STK32B: variants seen among roughly 807,000 people sequenced by gnomAD.
STK32B encodes the protein serine/threonine-protein kinase 32B.
A neutral mutation model predicts 52.6 loss-of-function variants in STK32B; 43 were observed. That is an observed-to-expected ratio of 0.82 (90% CI 0.64 to 1.05). The LOEUF (loss-of-function observed/expected upper bound fraction) is 1.05. Ranked by LOEUF, STK32B falls within the 50% of genes least tolerant of loss-of-function variation. The pLI, the probability that STK32B is intolerant of heterozygous loss-of-function variation, is 0.00. For missense variants in STK32B, 621 were observed against 534.6 expected (o/e 1.16, Z -1.59); for synonymous variants, 238 against 204.3 (o/e 1.17, Z -1.41).
intron 1 of STK32B, among the ~76,000 whole-genome samples, chr4:5,131,520 C>G (rs960451324): frequency 7.9e-5 from 12 of 152,176 alleles, no homozygotes; most frequent in African/African-American, 2.4e-4. Flanking sequence ...AGCCCTTACC[C>G]CAGCCTGTGA....
In STK32B at chr4:5,122,093, TACTC is replaced by T. The variant is rs141164605; in HGVS notation, c.53-17806_53-17803del. On this transcript the variant is annotated intron_variant, in intron 1 of 11. Transcript: ENST00000282908. ...TCACATACTCATTCTCTCACTCATTTACTCACTCATTCACTTACTCACCCATTCA... is the reference window on the plus strand; with the variant it reads ...TCACATACTCATTCTCTCACTCATTTACTCATTCACTTACTCACCCATTCA... Among the ~76,000 whole-genome samples the T allele has an allele frequency of 3.7e-3, 560 of 152,134 alleles. 17 individuals are homozygous for T. In the East Asian group the frequency reaches 0.08, roughly 22 times the overall value.
intron 1 of STK32B, among the ~76,000 whole-genome samples, chr4:5,124,720 C>A (rs1205884495): frequency 6.6e-6 from 1 of 152,102 alleles, no homozygotes; most frequent in African/African-American, 2.4e-5. Context: ...GTGCATGCAC[C>A]TGTATGCATG....
At chr4:5,485,099 G>A (rs1270997953) in intron 11 of STK32B, among the ~76,000 whole-genome samples, 4 of 151,882 alleles carry the variant, frequency 2.6e-5, no homozygotes, top group Non-Finnish European at 5.9e-5. Context: ...GTATCTTGGT[G>A]GCGTTCTCTG....
At chr4:5,347,875 C>T (rs1733570694) in intron 4 of STK32B, among the ~76,000 whole-genome samples, 1 of 152,276 alleles carries the variant, frequency 6.6e-6, no homozygotes, top group Non-Finnish European at 1.5e-5. Context: ...AAGTCCTCCC[C>T]AGCCATGCAG....
intron 3 of STK32B, among the ~76,000 whole-genome samples, chr4:5,175,551 G>T (rs1321831242): frequency 6.6e-6 from 1 of 152,184 alleles, no homozygotes; most frequent in Non-Finnish European, 1.5e-5. Context: ...GTCTGTTGGA[G>T]TTTAATGGAG....
chr4:5,447,558 C>T (rs1276404782), intron 7 of STK32B, among the ~76,000 whole-genome samples: 1 of 152,140 alleles, frequency 6.6e-6, no homozygotes, highest in East Asian at 1.9e-4. Flanking sequence ...ATCACTTGAG[C>T]CTGGGAGGTC....
intron 3 of STK32B, among the ~76,000 whole-genome samples, chr4:5,286,058 C>T: frequency 6.6e-6 from 1 of 151,824 alleles, no homozygotes; most frequent in East Asian, 1.9e-4. Context: ...GTCTACAAGC[C>T]AAGGAGAGAG....
intron 4 of STK32B, among the ~76,000 whole-genome samples, chr4:5,372,925 C>T (rs768131081): frequency 2.0e-5 from 3 of 152,072 alleles, no homozygotes; most frequent in Non-Finnish European, 4.4e-5. Context: ...GACCCATGAC[C>T]CAAATGAGGA....
chr4:5,130,573 G>C (rs1715701562), intron 1 of STK32B, among the ~76,000 whole-genome samples: 1 of 152,138 alleles, frequency 6.6e-6, no homozygotes, highest in African/African-American at 2.4e-5. Context: ...ACACCTTCCT[G>C]AGAACTGCAG....
chr4:5,461,105 A>C (rs562328700), intron 9 of STK32B, among the ~76,000 whole-genome samples: 2 of 152,242 alleles, frequency 1.3e-5, no homozygotes, highest in South Asian at 4.1e-4. Flanking sequence ...TGCAGAGAGC[A>C]CCTGAGGAAT....
chr4:5,480,134 T>G (rs950180786), intron 11 of STK32B, among the ~76,000 whole-genome samples: 1 of 152,340 alleles, frequency 6.6e-6, no homozygotes, highest in East Asian at 1.9e-4. Context: ...ATTTACAAAA[T>G]TATCAGACCG....
intron 3 of STK32B, among the ~76,000 whole-genome samples, chr4:5,197,213 T>G (rs933419844): frequency 1.3e-4 from 20 of 152,156 alleles, no homozygotes; most frequent in African/African-American, 4.8e-4. Flanking sequence ...ACATCATCAC[T>G]CTGTGGGAAG....
chr4:5,118,566 G>A (rs890713764), intron 1 of STK32B, among the ~76,000 whole-genome samples: 2 of 152,190 alleles, frequency 1.3e-5, no homozygotes, highest in African/African-American at 4.8e-5. Flanking sequence ...CATGTGCTCA[G>A]AGAGTCCTGC....
chr4:5,376,791 G>A (rs1735617278), intron 4 of STK32B, among the ~76,000 whole-genome samples: 1 of 152,120 alleles, frequency 6.6e-6, no homozygotes, highest in Non-Finnish European at 1.5e-5. Context: ...AAATTCTACA[G>A]TGGCTTCTCT....
intron 7 of STK32B, among the ~76,000 whole-genome samples, chr4:5,455,858 C>T (rs1212059141): frequency 6.6e-6 from 1 of 152,188 alleles, no homozygotes; most frequent in Non-Finnish European, 1.5e-5. Flanking sequence ...ATATTAATGG[C>T]AGTCAACTTC....
intron 4 of STK32B, among the ~76,000 whole-genome samples, chr4:5,392,210 G>A (rs1259660831): frequency 6.6e-6 from 1 of 152,162 alleles, no homozygotes; most frequent in African/African-American, 2.4e-5. Flanking sequence ...CGAGGCGGGT[G>A]GATCACTTGA....
At chr4:5,493,933 G>T (rs1315433655) in intron 11 of STK32B, among the ~76,000 whole-genome samples, 1 of 152,262 alleles carries the variant, frequency 6.6e-6, no homozygotes, top group African/African-American at 2.4e-5. Flanking sequence ...ATAGCACTGT[G>T]GTCTGAGAGA....
At chr4:5,230,178 C>CTTTTTTTTTTTTTTTCTTTTTT (rs1724154639) in intron 3 of STK32B, among the ~76,000 whole-genome samples, 1 of 71,122 alleles carries the variant, frequency 1.4e-5, no homozygotes, top group Non-Finnish European at 2.4e-5. Context: ...CATGCATTCC[C>CTTTTTTTTTTTTTTTCTTTTTT]TTTTTTTTTT....
At chr4:5,256,878 A>C (rs1264632997) in intron 3 of STK32B, among the ~76,000 whole-genome samples, 2 of 152,154 alleles carry the variant, frequency 1.3e-5, no homozygotes, top group Non-Finnish European at 2.9e-5. Context: ...GAGGATGGAT[A>C]TTGGGGCTGC....
Sources: allele counts gnomAD v4.1 joint callset (sites outside exome capture counted in the v4.1 genomes callset), GRCh38; gene constraint gnomAD v4.1.1; transcripts MANE v1.5; gene names NCBI Gene and HGNC (gene_info 2026-07-23, HGNC 2026-07-21).